Variants in LAMB1 observed in about 807,000 individuals in gnomAD.
LAMB1 encodes laminin subunit beta-1.
Under a neutral mutation model 222.3 loss-of-function variants are expected in LAMB1, and 121 were observed. The ratio of observed to expected loss-of-function variants is 0.54; its 90% CI spans 0.47 to 0.63. The LOEUF (loss-of-function observed/expected upper bound fraction) is 0.63, where lower values mean the gene tolerates loss of function less well. Ranked by LOEUF, LAMB1 falls within the 30% of genes least tolerant of loss-of-function variation. The pLI, the probability that LAMB1 is intolerant of heterozygous loss-of-function variation, is 0.00. For synonymous variants in LAMB1, 794 were observed against 807.2 expected (o/e 0.98, Z 0.28); for missense variants, 2,172 against 2,240.8 (o/e 0.97, Z 0.62).
chr7:107,975,515 C>A, intron 10 of LAMB1, 102 bp from the exon 11 acceptor site: 1 of 1,304,600 alleles, frequency 7.7e-7, no homozygotes, highest in Non-Finnish European at 1.0e-6. Flanking sequence ...TCACAAAAGT[C>A]GACTAAAAGC....
At chr7:107,929,262 A>G (rs559148135) in intron 30 of LAMB1, 57 bp from the exon 31 acceptor site, 4 of 1,593,806 alleles carry the variant, frequency 2.5e-6, no homozygotes, top group Admixed American at 3.4e-5. Flanking sequence ...AAGTACTCTC[A>G]GTGTTCTTTT....
intron 14 of LAMB1, among the ~76,000 whole-genome samples, chr7:107,963,325 T>A (rs1389614588): frequency 6.6e-6 from 1 of 152,122 alleles, no homozygotes; most frequent in Non-Finnish European, 1.5e-5. Flanking sequence ...CCTTATTTGA[T>A]ATGACCAGGA....
chr7:107,979,924 T>G (rs547808545), intron 8 of LAMB1, among the ~76,000 whole-genome samples: 33 of 151,964 alleles, frequency 2.2e-4, no homozygotes, highest in African/African-American at 7.7e-4. Context: ...AAATACAAAA[T>G]TAGCCAGATA....
At chr7:107,969,025 A>G (rs2033690362) in intron 13 of LAMB1, among the ~76,000 whole-genome samples, 1 of 152,212 alleles carries the variant, frequency 6.6e-6, no homozygotes. Flanking sequence ...GTGGTGGCTC[A>G]CGCCTGTAAT....
chr7:107,936,412 G>A (rs2032848263), intron 26 of LAMB1: 1 of 152,064 alleles, frequency 6.6e-6, no homozygotes. Context: ...GAAAAAGAAA[G>A]AAGTATATAG....
At chr7:107,995,630 A>G (rs2034267627) in intron 4 of LAMB1, among the ~76,000 whole-genome samples, 1 of 152,172 alleles carries the variant, frequency 6.6e-6, no homozygotes, top group South Asian at 2.1e-4. Flanking sequence ...CAAACAAATG[A>G]GCCTTTGCAC....
intron 29 of LAMB1, 166 bp from the exon 30 acceptor site, chr7:107,929,785 G>C: frequency 3.6e-6 from 2 of 548,610 alleles, no homozygotes; most frequent in Non-Finnish European, 6.4e-6. Context: ...TTTGAGGGGA[G>C]ATGAGACCTA....
chr7:107,930,875 C>T (rs1228965823), intron 29 of LAMB1, among the ~76,000 whole-genome samples: 1 of 152,116 alleles, frequency 6.6e-6, no homozygotes, highest in Non-Finnish European at 1.5e-5. Context: ...AATAAACATC[C>T]TTTTTGATTA....
chr7:107,934,280 TGA>T (rs1361183134), intron 27 of LAMB1, among the ~76,000 whole-genome samples: 1 of 152,210 alleles, frequency 6.6e-6, no homozygotes, highest in African/African-American at 2.4e-5. Flanking sequence ...GAGAAAGTGA[TGA>T]GAGGAGGGAG....
chr7:107,956,318 G>A (rs1026604327), intron 20 of LAMB1, among the ~76,000 whole-genome samples: 3 of 152,208 alleles, frequency 2.0e-5, no homozygotes, highest in African/African-American at 7.2e-5. Flanking sequence ...TTTACTATGG[G>A]AACAGTGGTT....
At chr7:107,975,531 A>G (rs756436813) in intron 10 of LAMB1, 118 bp from the exon 11 acceptor site, 117 of 1,246,112 alleles carry the variant, frequency 9.4e-5, no homozygotes, top group Non-Finnish European at 1.2e-4. Flanking sequence ...AAAGCAGCAC[A>G]ACTACCAAGT....
intron 5 of LAMB1, among the ~76,000 whole-genome samples, chr7:107,988,719 A>G (rs1275312619): frequency 6.6e-6 from 1 of 152,182 alleles, no homozygotes; most frequent in Non-Finnish European, 1.5e-5. Context: ...GGCTGTAATC[A>G]TATGTCTGGT....
intron 31 of LAMB1, among the ~76,000 whole-genome samples, chr7:107,926,945 C>CT (rs1248066599): frequency 1.3e-5 from 2 of 152,098 alleles, no homozygotes; most frequent in East Asian, 1.9e-4. Flanking sequence ...ATCTGGGCAA[C>CT]TGGTGAGGAT....
At chr7:107,994,023 C>T (rs781113672) in intron 5 of LAMB1, among the ~76,000 whole-genome samples, 2 of 152,220 alleles carry the variant, frequency 1.3e-5, no homozygotes, top group African/African-American at 4.8e-5. Context: ...GGCTACCCGC[C>T]CACATGGTAA....
At chr7:107,956,930 G>A (rs77408489) in intron 20 of LAMB1, among the ~76,000 whole-genome samples, 2,950 of 152,300 alleles carry the variant, frequency 0.019, 86 homozygotes, top group African/African-American at 0.067. Flanking sequence ...TAAATAATGA[G>A]CCAGAATTTG....
At chr7:107,985,970 A>AAAAC (rs769679757) in intron 7 of LAMB1, 52 bp downstream of exon 7, 2 of 1,422,464 alleles carry the variant, frequency 1.4e-6, no homozygotes, top group East Asian at 2.3e-5. Flanking sequence ...AAAACAAAAC[A>AAAAC]AAACAAACAA....
intron 3 of LAMB1, 140 bp from the exon 4 acceptor site, chr7:107,998,632 A>C (rs112971168): frequency 1.5e-6 from 1 of 661,020 alleles, no homozygotes; most frequent in East Asian, 2.8e-5. Context: ...ATTGCTTAGG[A>C]GATTTGTATC....
chr7:107,974,579 G>A (rs737955), intron 12 of LAMB1, among the ~76,000 whole-genome samples: 97,092 of 152,036 alleles, frequency 0.64, 31,973 homozygotes, highest in African/African-American at 0.8. Flanking sequence ...GATTCCCAGA[G>A]GTGGGGTTAC....
At chr7:107,927,164 A>G (rs2116312469) in intron 31 of LAMB1, among the ~76,000 whole-genome samples, 1 of 152,372 alleles carries the variant, frequency 6.6e-6, no homozygotes, top group Admixed American at 6.5e-5. Context: ...AGTATAAGAC[A>G]TAGGCTAAAA....
Sources: allele counts gnomAD v4.1 joint callset (sites outside exome capture counted in the v4.1 genomes callset), GRCh38; gene constraint gnomAD v4.1.1; transcripts MANE v1.5; gene names NCBI Gene and HGNC (gene_info 2026-07-23, HGNC 2026-07-21).